The following EML1 variants were observed in gnomAD, a reference collection of about 807,000 sequenced individuals.
EML1 encodes EMAP like 1, also known as echinoderm microtubule-associated protein-like 1.
Under a neutral mutation model 110.4 loss-of-function variants are expected in EML1, and 27 were observed. The observed-to-expected ratio is 0.24, with a 90% confidence interval of 0.18 to 0.34. The LOEUF is 0.34. EML1 is among the 10% of genes least tolerant of loss of function. The pLI is 1.00. For synonymous variants in EML1, 344 were observed against 385.8 expected, an observed-to-expected ratio of 0.89 and a Z score of 1.27; for missense variants, 741 against 1,030.9, an observed-to-expected ratio of 0.72 and a Z score of 3.85.
intron 1 of EML1, among the ~76,000 whole-genome samples, chr14:99,798,582 G>A (rs1343146543): frequency 1.3e-5 from 2 of 151,916 alleles, no homozygotes; most frequent in Non-Finnish European, 2.9e-5. Context: ...AGTAGAAATG[G>A]GGTTTCACCA....
At chr14:99,821,116 G>T (rs1263253545) in intron 1 of EML1, among the ~76,000 whole-genome samples, 1 of 149,970 alleles carries the variant, frequency 6.7e-6, no homozygotes, top group African/African-American at 2.5e-5. Context: ...TCAAGCACCT[G>T]GGCTCAAGTG....
At chr14:99,929,718 A>C (rs1185073448) in intron 17 of EML1, among the ~76,000 whole-genome samples, 1 of 152,190 alleles carries the variant, frequency 6.6e-6, no homozygotes, top group Non-Finnish European at 1.5e-5. Context: ...AGAGAGAGAG[A>C]GAGAAAGCAT....
At chr14:99,843,719 C>G (rs1166976242) in intron 1 of EML1, among the ~76,000 whole-genome samples, 2 of 152,222 alleles carry the variant, frequency 1.3e-5, no homozygotes, top group African/African-American at 4.8e-5. Flanking sequence ...GCTGTCAACA[C>G]TGACTTAGCT....
intron 1 of EML1, among the ~76,000 whole-genome samples, chr14:99,839,800 TG>T (rs1406660826): frequency 6.6e-6 from 1 of 152,206 alleles, no homozygotes; most frequent in East Asian, 1.9e-4. Flanking sequence ...TTCTATGAAG[TG>T]ATGAACGTCA....
chr14:99,801,249 C>T (rs146582081), intron 1 of EML1, among the ~76,000 whole-genome samples: 1 of 152,302 alleles, frequency 6.6e-6, no homozygotes, highest in African/African-American at 2.4e-5. Flanking sequence ...GGCTGATTTC[C>T]AGTGAATACC....
intron 1 of EML1, 78 bp from the exon 2 acceptor site, chr14:99,850,775 G>A: frequency 6.7e-7 from 1 of 1,483,988 alleles, no homozygotes. Flanking sequence ...GCTTAAAACA[G>A]CATGCTAGAT....
chr14:99,924,188 T>A lies in EML1; in HGVS notation c.1909+3311T>A, dbSNP rs559202750. Among the ~76,000 whole-genome samples, 8 of 152,312 alleles carry A rather than the reference T, an allele frequency of 5.3e-5. No homozygotes were observed. In the East Asian group the frequency reaches 5.8e-4, roughly 11 times the overall value. ...TTTATTCCAAAATAAGTGTTTTTTT[T>A]ATGCCATTGTGAATGGAATTGTTTT... On this transcript the variant is annotated intron_variant, in intron 17 of 21. Coordinates refer to ENST00000262233, the MANE Select transcript of EML1 (RefSeq NM_004434.3).
At chr14:99,935,923 A>G in intron 17 of EML1, 106 bp from the exon 18 acceptor site, 1 of 1,022,844 alleles carries the variant, frequency 9.8e-7, no homozygotes, top group Non-Finnish European at 1.5e-6. Flanking sequence ...TAATTCATTA[A>G]TCTGGTGATT....
chr14:99,827,366 T>C lies in EML1; in HGVS notation c.68-23487T>C, dbSNP rs977342121. On this transcript the variant is annotated intron_variant, in intron 1 of 21. Coordinates refer to ENST00000262233, the MANE Select transcript of EML1 (RefSeq NM_004434.3). This position sits in a 1 kb window ranked among gnomAD's most constrained non-coding sequence, Gnocchi z 4.4. Reference sequence around the variant, plus strand: ...ACCCTGGCAGCATAGCTGGTATGAGTACTCGAAGTACCCCGGCAGAGTAGC... The same window carrying C: ...ACCCTGGCAGCATAGCTGGTATGAGCACTCGAAGTACCCCGGCAGAGTAGC... Among the ~76,000 whole-genome samples, 1 of 151,710 alleles carries C rather than the reference T, an allele frequency of 6.6e-6. No individual in the cohort carries two copies. Among genetic ancestry groups the C allele is most frequent in the African/African-American group, 2.4e-5 (1 of 41,280 alleles).
At chr14:99,845,574 A>G (rs1446798305) in intron 1 of EML1, among the ~76,000 whole-genome samples, 4 of 152,202 alleles carry the variant, frequency 2.6e-5, no homozygotes, top group Non-Finnish European at 4.4e-5. Context: ...TTCTTGCTTT[A>G]TAGTTTTACT....
chr14:99,740,926 T>C (rs2094728738), intron 1 of EML1, among the ~76,000 whole-genome samples: 1 of 152,224 alleles, frequency 6.6e-6, no homozygotes, highest in African/African-American at 2.4e-5. Context: ...ATCTCCGTCC[T>C]GGCCAGAATC....
chr14:99,938,783 C>T (rs2060521585), intron 20 of EML1, among the ~76,000 whole-genome samples: 1 of 152,218 alleles, frequency 6.6e-6, no homozygotes, highest in Admixed American at 6.5e-5. Flanking sequence ...TTGGAGAGAC[C>T]CACCCATGTA....
At position 99,793,504 on chromosome 14, in the gene EML1, A is replaced by G; in HGVS notation, c.28A>G (p.Ser10Gly). MEDGFSSYS[S>G]LYDTSSLLQF... is the part of the protein sequence containing the mutation. ...GGAGGACGGCTTCTCCAGCTACAGC[A>G]GCCTGTACGACACGTCCTCGCTGCT... Residue 10 changes from serine to glycine, a missense_variant, in exon 1 of 22, where the codon AGC becomes GGC. Physicochemically the swap from Ser to Gly is moderately conservative, Grantham distance 56 (BLOSUM62 0). Coordinates refer to ENST00000262233, the MANE Select transcript of EML1 (RefSeq NM_004434.3). The G allele has an allele frequency of 9.5e-7, 1 of 1,050,864 alleles. No homozygotes were observed. Among genetic ancestry groups the G allele is most frequent in the Non-Finnish European group, 1.2e-6 (1 of 868,152 alleles). 65.1% of individuals were successfully genotyped at this position (1,050,864 alleles called of 1,614,324 possible).
At chr14:99,849,015 G>A (rs1026099396) in intron 1 of EML1, among the ~76,000 whole-genome samples, 51 of 151,726 alleles carry the variant, frequency 3.4e-4, no homozygotes, top group African/African-American at 1.2e-3. Flanking sequence ...AAAGGAAAAA[G>A]GAAAAAAATG....
At chr14:99,882,649 TAAAAAAA>T (rs199622855) in intron 4 of EML1, among the ~76,000 whole-genome samples, 22 of 127,722 alleles carry the variant, frequency 1.7e-4, no homozygotes, top group South Asian at 2.4e-4. Context: ...GCTGATGAGC[TAAAAAAA>T]AAAAAAAAAA....
At chr14:99,838,933 G>A (rs2058588934) in intron 1 of EML1, 1 of 151,414 alleles carries the variant, frequency 6.6e-6, no homozygotes, top group South Asian at 2.1e-4. Flanking sequence ...GTGTGTGTGC[G>A]CGCGCGCGTG....
At chr14:99,926,532 G>A (rs924992699) in intron 17 of EML1, among the ~76,000 whole-genome samples, 6 of 151,852 alleles carry the variant, frequency 4.0e-5, no homozygotes, top group Non-Finnish European at 7.4e-5. Flanking sequence ...TGATCTGCCC[G>A]CCTCGGCCTC....
intron 1 of EML1, chr14:99,809,637 A>G: frequency 4.4e-6 from 2 of 456,088 alleles, no homozygotes; most frequent in Non-Finnish European, 8.8e-6. Context: ...GCAACGTCTT[A>G]TCTGCGATTT....
chr14:99,823,697 G>T (rs1315842459), intron 1 of EML1, among the ~76,000 whole-genome samples: 2 of 152,054 alleles, frequency 1.3e-5, no homozygotes, highest in Admixed American at 6.6e-5. Flanking sequence ...TCACATTCTA[G>T]TGGGAGAGGG....
Sources: gnomAD v4.1 joint callset for allele counts (sites outside exome capture counted in the v4.1 genomes callset) on GRCh38, gnomAD v4.1.1 for gene constraint, Gnocchi (gnomAD v3.1) non-coding constraint, MANE v1.5 for transcripts, NCBI Gene and HGNC (gene_info 2026-07-23, HGNC 2026-07-21) for gene names.